NUP210: variants seen among roughly 807,000 people sequenced by gnomAD.
NUP210 encodes the protein nuclear pore membrane glycoprotein 210.
Under a neutral mutation model 196.0 loss-of-function variants are expected in NUP210, and 151 were observed. The observed-to-expected ratio is 0.77, with a 90% CI of 0.67 to 0.88. NUP210 has a LOEUF of 0.88. Ranked by LOEUF, NUP210 falls within the 40% of genes least tolerant of loss-of-function variation. NUP210 has a pLI of 0.00. For synonymous variants in NUP210, 1,070 were observed against 1,052.7 expected (o/e 1.02, Z -0.32); for missense variants, 2,314 against 2,493.7 (o/e 0.93, Z 1.53).
chr3:13,375,047 G>GTA (rs1311160583), intron 11 of NUP210, among the ~76,000 whole-genome samples: 1 of 151,596 alleles, frequency 6.6e-6, no homozygotes, highest in Non-Finnish European at 1.5e-5. Flanking sequence ...AAGGGTGTGT[G>GTA]TATATATATA....
chr3:13,400,781 C>A lies in NUP210; in HGVS notation c.168-920G>T, dbSNP rs138572281. ...AGAGTTTATAGTGTGACCAAGGCCC[C>A]AGGAGGGGCCACTAAGCCGTGCCTG... On this transcript the variant is annotated intron_variant, in intron 1 of 39. Transcript: ENST00000254508. Among the ~76,000 whole-genome samples, 325 of 152,220 alleles carry A rather than the reference C, an allele frequency of 2.1e-3. 1 individual carries two copies. The highest frequency in any genetic ancestry group is 7.4e-3 in the African/African-American group (308 of 41,542).
rs1325084593 is a variant in NUP210 at position 13,316,807 on chromosome 3, C to G, written c.*874G>C. ...ACAGGAGGAGCAAATGACACTGGGT[C>G]TTTGTGCTGAGGCAGGACACAGCGG... On this transcript the variant is annotated 3_prime_UTR_variant, in exon 40 of 40. Coordinates refer to ENST00000254508, the MANE Select transcript of NUP210 (RefSeq NM_024923.4). The G allele has an allele frequency of 3.9e-5, 6 of 152,372 alleles. No homozygotes were observed. Among genetic ancestry groups the G allele is most frequent in the Non-Finnish European group, 8.8e-5 (6 of 68,114 alleles). The allele number at this position is 152,372 out of a possible 1,614,324, so 9.4% of individuals were successfully genotyped here. A position where few individuals can be genotyped will look rare whatever the true frequency, so the allele number is the denominator to read the frequency against.
rs755695943 is a variant in NUP210 at position 13,386,424 on chromosome 3, G to T, written c.685-17C>A. ...GCGTACATTCTTGGCATAAAGAAAAGGCAGACAAAGTGAGGTGCGGACAGG... is the reference window on the plus strand; with the variant it reads ...GCGTACATTCTTGGCATAAAGAAAATGCAGACAAAGTGAGGTGCGGACAGG... On this transcript the variant is annotated splice_polypyrimidine_tract_variant and intron_variant, in intron 5 of 39. Coordinates refer to ENST00000254508, the MANE Select transcript of NUP210 (RefSeq NM_024923.4). The T allele has an allele frequency of 1.2e-6, 2 of 1,613,786 alleles. No individual in the cohort carries two copies. The highest frequency in any genetic ancestry group is 2.2e-5 in the South Asian group (2 of 91,022).
chr3:13,335,604 G>T lies in NUP210; in HGVS notation c.3693C>A (p.Ile1231=), dbSNP rs1475840780. ...CAAAGTTGTACTGTGACGGGAGTCG[G>T]ATCGACGCCTGGGAAGACATCAAAC... is the stretch of plus-strand genomic sequence containing the variant. The part of the protein sequence containing the change: ...DLRGRHHEAS[I]RLPSQYNFAM... Residue 1231 remains isoleucine (I), a synonymous_variant, in exon 28 of 40, where the codon ATC becomes ATA. Transcript: ENST00000254508. 1.2e-6 allele frequency: 2 copies of T among 1,613,910 alleles called. No individual in the cohort carries two copies. Among genetic ancestry groups the T allele is most frequent in the African/African-American group, 1.3e-5 (1 of 74,948 alleles).
At chr3:13,346,280 G>A (rs1442042032) in intron 20 of NUP210, among the ~76,000 whole-genome samples, 5 of 152,204 alleles carry the variant, frequency 3.3e-5, no homozygotes, top group Admixed American at 2.6e-4. Context: ...GCACTTGGCC[G>A]CTAGCTGGTG....
intron 18 of NUP210, among the ~76,000 whole-genome samples, chr3:13,352,430 C>A (rs1698012297): frequency 6.6e-6 from 1 of 152,222 alleles, no homozygotes; most frequent in African/African-American, 2.4e-5. Flanking sequence ...TTAGAAGACG[C>A]CACCCCAACC....
chr3:13,384,666 T>C (rs1390044786), intron 6 of NUP210, among the ~76,000 whole-genome samples: 1 of 152,256 alleles, frequency 6.6e-6, no homozygotes, highest in Non-Finnish European at 1.5e-5. Context: ...CAGCAGTGAC[T>C]AGGCTCTCCA....
At position 13,380,216 on chromosome 3, in the gene NUP210, G is replaced by A. The variant is rs2124922671; in HGVS notation, c.818-495C>T. Among the ~76,000 whole-genome samples, 2 of 152,314 alleles carry A rather than the reference G, an allele frequency of 1.3e-5. 1 individual carries two copies. The highest frequency in any genetic ancestry group is 4.1e-4 in the South Asian group (2 of 4,820). On this transcript the variant is annotated intron_variant, in intron 6 of 39. Coordinates refer to ENST00000254508, the MANE Select transcript of NUP210 (RefSeq NM_024923.4). ...CCCTGCCCTTCACACCCACTTGGCA[G>A]AAAAATAACTTGCCCAACGTGGGCT...
chr3:13,418,822 G>C (rs1275733244), intron 1 of NUP210, among the ~76,000 whole-genome samples: 1 of 151,432 alleles, frequency 6.6e-6, no homozygotes, highest in Non-Finnish European at 1.5e-5. Flanking sequence ...AAATTAGCCA[G>C]GTGGCCTGCA....
intron 1 of NUP210, among the ~76,000 whole-genome samples, chr3:13,407,500 AG>A (rs1193411954): frequency 6.6e-6 from 1 of 152,148 alleles, no homozygotes; most frequent in African/African-American, 2.4e-5. Flanking sequence ...TATTGGCCCA[AG>A]GTGGCACTGC....
chr3:13,365,843 G>T, intron 14 of NUP210, 103 bp downstream of exon 14: 1 of 1,273,970 alleles, frequency 7.8e-7, no homozygotes, highest in Non-Finnish European at 1.1e-6. Flanking sequence ...AAGCTATTTT[G>T]AAGGAATCGG....
rs1173578362 is a variant in NUP210 at position 13,348,378 on chromosome 3, C to T, written c.2835+3501G>A. The T allele has an allele frequency of 3.0e-6, 3 of 985,352 alleles. No homozygotes were observed. The highest frequency in any genetic ancestry group is 2.4e-6 in the Non-Finnish European group (2 of 829,898). The allele number at this position is 985,352 out of a possible 1,614,324, so 61.0% of individuals were successfully genotyped here. On this transcript the variant is annotated intron_variant, in intron 20 of 39. Coordinates refer to ENST00000254508, the MANE Select transcript of NUP210 (RefSeq NM_024923.4). This position sits in a 1 kb window ranked among gnomAD's most constrained non-coding sequence, Gnocchi z 4.0. ...TAAAGGTCTCCCTCTGGTCACAAGT[C>T]CACCCTCAGAGCTTGCACAGAATGA... is the stretch of plus-strand genomic sequence containing the variant.
chr3:13,321,763 G>A lies in NUP210; in HGVS notation c.4988C>T (p.Thr1663Ile). The A allele has an allele frequency of 6.2e-7, 1 of 1,613,274 alleles. No homozygotes were observed. Among genetic ancestry groups the A allele is most frequent in the Non-Finnish European group, 8.5e-7 (1 of 1,180,026 alleles). ...KQRKHLSMKK[T>I]ALVVSASLSS... ...GAGGGAGGCACTGACCACCAGAGCT[G>A]TCTTCTTCATGCTCAGGTGCTTCCG... Residue 1663 changes from threonine to isoleucine, a missense_variant, in exon 36 of 40, where the codon ACA becomes ATA. Physicochemically the swap from Thr to Ile is moderately conservative, Grantham distance 89. Transcript: ENST00000254508.
chr3:13,393,622 C>A (rs2124939555), intron 3 of NUP210, among the ~76,000 whole-genome samples: 1 of 152,350 alleles, frequency 6.6e-6, no homozygotes, highest in South Asian at 2.1e-4. Context: ...TGGCCAGACC[C>A]AGCTGCGTGG....
intron 1 of NUP210, among the ~76,000 whole-genome samples, chr3:13,417,967 A>T (rs1042313842): frequency 6.6e-6 from 1 of 152,262 alleles, no homozygotes; most frequent in African/African-American, 2.4e-5. Flanking sequence ...ACAGCTATAG[A>T]ATCTCAGAGA....
intron 26 of NUP210, 144 bp from the exon 27 acceptor site, chr3:13,337,062 T>C (rs1289738520): frequency 3.0e-6 from 3 of 1,005,528 alleles, no homozygotes; most frequent in South Asian, 1.5e-5. Context: ...TTTGGGAATT[T>C]TGATGAAATA....
In NUP210 at chr3:13,341,663, G is replaced by C. The variant is rs1026928694; in HGVS notation, c.3228+85C>G. The C allele has an allele frequency of 2.7e-6, 4 of 1,468,868 alleles. No individual in the cohort carries two copies. The Admixed American group carries it at 7.6e-5, about 28-fold the overall frequency. The allele number at this position is 1,468,868 out of a possible 1,614,324, so 91.0% of individuals were successfully genotyped here. A position where few individuals can be genotyped will look rare whatever the true frequency, so the allele number is the denominator to read the frequency against. On this transcript the variant is annotated intron_variant, in intron 23 of 39. Coordinates refer to ENST00000254508, the MANE Select transcript of NUP210 (RefSeq NM_024923.4). The stretch of plus-strand genomic sequence containing the variant: ...CAGATTTTTATATGGCTTCTCTACA[G>C]TAGCTTCCTGGACTGTACTATAAAG...
intron 14 of NUP210, among the ~76,000 whole-genome samples, chr3:13,362,041 T>C (rs1322161251): frequency 6.6e-6 from 1 of 152,112 alleles, no homozygotes; most frequent in Non-Finnish European, 1.5e-5. Context: ...GGCCCCCACT[T>C]CACCTGGTGC....
chr3:13,338,016 C>T, intron 25 of NUP210, 99 bp from the exon 26 acceptor site: 2 of 1,158,726 alleles, frequency 1.7e-6, no homozygotes, highest in South Asian at 1.4e-5. Flanking sequence ...GGCTCAGAGT[C>T]TGTGGCGAGA....
Sources: gnomAD v4.1 joint callset for allele counts (sites outside exome capture counted in the v4.1 genomes callset) on GRCh38, gnomAD v4.1.1 for gene constraint, Gnocchi (gnomAD v3.1) non-coding constraint, MANE v1.5 for transcripts, NCBI Gene and HGNC (gene_info 2026-07-23, HGNC 2026-07-21) for gene names.